The following CEP104 variants were observed in gnomAD, a reference collection of about 807,000 sequenced individuals.
CEP104 encodes the protein centrosomal protein of 104 kDa.
Under a neutral mutation model 113.3 loss-of-function variants are expected in CEP104, and 84 were observed. That is an observed-to-expected ratio of 0.74 (90% CI 0.62 to 0.89). The LOEUF is 0.89. Ranked by LOEUF, CEP104 falls within the 40% of genes least tolerant of loss-of-function variation. CEP104 has a pLI of 0.00. For missense variants in CEP104, 1,053 were observed against 1,156.6 expected (o/e 0.91, Z 1.30); for synonymous variants, 378 against 421.7 (o/e 0.90, Z 1.27).
At chr1:3,830,372 T>C (rs1644180170) in intron 13 of CEP104, among the ~76,000 whole-genome samples, 1 of 152,130 alleles carries the variant, frequency 6.6e-6, no homozygotes, top group Non-Finnish European at 1.5e-5. Flanking sequence ...ATGGAAGTAT[T>C]CCAGAATCCG....
At position 3,847,300 on chromosome 1, in the gene CEP104, G is replaced by A. The variant is rs12047360; in HGVS notation, c.426+175C>T. On this transcript the variant is annotated intron_variant, in intron 4 of 21. Coordinates refer to ENST00000378230, the MANE Select transcript of CEP104 (RefSeq NM_014704.4). ...CCAGTTCGTGGTGGGCACTGGCCACGTGTGCCCAGAGGCTGCTGGATCAGA... is the reference window on the plus strand; with the variant it reads ...CCAGTTCGTGGTGGGCACTGGCCACATGTGCCCAGAGGCTGCTGGATCAGA... 0.32 allele frequency among the ~76,000 whole-genome samples: 49,391 copies of A among 152,102 alleles called. 9,551 individuals are homozygous for A. Among genetic ancestry groups the A allele is most frequent in the Admixed American group, 0.44 (6,788 of 15,260 alleles).
At chr1:3,824,676 C>T (rs1644048822) in intron 18 of CEP104, among the ~76,000 whole-genome samples, 1 of 152,166 alleles carries the variant, frequency 6.6e-6, no homozygotes, top group African/African-American at 2.4e-5. Context: ...CGGTGAGAAA[C>T]CAGGTGCTTT....
chr1:3,843,631 C>T (rs938196714), intron 6 of CEP104, among the ~76,000 whole-genome samples: 5 of 151,936 alleles, frequency 3.3e-5, no homozygotes, highest in East Asian at 1.9e-4. Context: ...AGATTACAGG[C>T]GTTAGCCACC....
At chr1:3,818,336 C>T (rs550190592) in intron 20 of CEP104, among the ~76,000 whole-genome samples, 7 of 152,340 alleles carry the variant, frequency 4.6e-5, no homozygotes, top group South Asian at 2.1e-4. Flanking sequence ...ACCTGTCTAC[C>T]GGCCTGCGCG....
At chr1:3,816,708 T>C (rs1033989402) in intron 20 of CEP104, among the ~76,000 whole-genome samples, 1 of 152,206 alleles carries the variant, frequency 6.6e-6, no homozygotes, top group Non-Finnish European at 1.5e-5. Flanking sequence ...AGCGCCCGCG[T>C]GATTACGTTC....
At chr1:3,831,334 G>A (rs1003180486) in intron 12 of CEP104, 112 bp from the exon 13 acceptor site, 11 of 866,536 alleles carry the variant, frequency 1.3e-5, no homozygotes, top group Admixed American at 2.3e-5. Flanking sequence ...GGGAAATACA[G>A]ATTGATAGTG....
intron 1 of CEP104, 27 bp from the exon 2 acceptor site, chr1:3,852,448 T>G: frequency 1.3e-6 from 2 of 1,588,548 alleles, no homozygotes; most frequent in Non-Finnish European, 1.7e-6. Context: ...GAAAAACTTC[T>G]TTAAAACAAA....
chr1:3,829,297 G>A lies in CEP104; in HGVS notation c.2120C>T (p.Ala707Val). 6.3e-7 allele frequency: 1 copy of A among 1,592,496 alleles called. No homozygotes were observed. The highest frequency in any genetic ancestry group is 2.2e-5 in the East Asian group (1 of 44,450). Reference protein sequence around the residue: ...EEIKALQGQLAALKEIQAEVQ... With the variant: ...EEIKALQGQLVALKEIQAEVQ... ...TTCAGCCTGAATTTCTTTCAGTGCTGCCAGCTGCCCTTGTAAAGCTTTTAT... is the reference window on the plus strand; with the variant it reads ...TTCAGCCTGAATTTCTTTCAGTGCTACCAGCTGCCCTTGTAAAGCTTTTAT... Residue 707 changes from alanine (A) to valine (V), a missense_variant, in exon 15 of 22, where the codon GCA becomes GTA. Ala to Val is a moderately conservative substitution (Grantham distance 64, BLOSUM62 0). Coordinates refer to ENST00000378230, the MANE Select transcript of CEP104 (RefSeq NM_014704.4).
chr1:3,851,116 G>T (rs1289009681), intron 2 of CEP104, among the ~76,000 whole-genome samples: 4 of 152,094 alleles, frequency 2.6e-5, no homozygotes, highest in African/African-American at 9.7e-5. Flanking sequence ...TGCCTGCATG[G>T]GCAGTGCATC....
Position 3,825,852 on chromosome 1 carries a change from CA to C in CEP104, c.2269del (p.Cys757ValfsTer24). The C allele has an allele frequency of 6.2e-7, 1 of 1,611,730 alleles. No homozygotes were observed. The highest frequency in any genetic ancestry group is 8.5e-7 in the Non-Finnish European group (1 of 1,177,826). ...TGTGAAGGATTCACTCCTTTCCCCA[CA>C]AAAAATACACAAACTGAAAGCAAAG... ...EHYLDNLCIF[C>X]GERSESFTEE... On this transcript the variant is annotated frameshift_variant, in exon 18 of 22. Coordinates refer to ENST00000378230, the MANE Select transcript of CEP104 (RefSeq NM_014704.4). LOFTEE classifies it high-confidence loss of function.
chr1:3,853,898 C>T (rs1644662746), intron 1 of CEP104, among the ~76,000 whole-genome samples: 1 of 152,102 alleles, frequency 6.6e-6, no homozygotes, highest in Non-Finnish European at 1.5e-5. Context: ...AGTTCGAGAC[C>T]AGCCTGGGTA....
intron 6 of CEP104, chr1:3,843,065 G>A (rs1644440821): frequency 1.8e-6 from 1 of 548,798 alleles, no homozygotes; most frequent in Non-Finnish European, 3.4e-6. Flanking sequence ...TGGGATTACA[G>A]GCGTGCGACA....
rs1025062565 is a variant in CEP104 at position 3,819,811 on chromosome 1, T to C, written c.2571+3363A>G. ...ATTCACACGAAATTAGAAAGACGTG[T>C]CTCAGCAGGCTGGAGTGGCAGAGTC... is the stretch of plus-strand genomic sequence containing the variant. On this transcript the variant is annotated intron_variant, in intron 20 of 21. Transcript: ENST00000378230. The surrounding 1 kb of genome is among the most constrained non-coding windows in gnomAD (Gnocchi z 4.6). Among the ~76,000 whole-genome samples, 1 of 152,184 alleles carries C rather than the reference T, an allele frequency of 6.6e-6. No homozygotes were observed. The highest frequency in any genetic ancestry group is 1.5e-5 in the Non-Finnish European group (1 of 68,026).
chr1:3,832,123 T>C (rs1644219452), intron 12 of CEP104, among the ~76,000 whole-genome samples: 1 of 152,244 alleles, frequency 6.6e-6, no homozygotes, highest in Non-Finnish European at 1.5e-5. Flanking sequence ...GGCTTAAAAA[T>C]AATTAAATGA....
intron 1 of CEP104, among the ~76,000 whole-genome samples, chr1:3,854,499 C>T (rs1644673413): frequency 1.3e-5 from 2 of 152,134 alleles, no homozygotes; most frequent in African/African-American, 4.8e-5. Context: ...ACAAGAGTCT[C>T]AATCTATCAC....
chr1:3,854,507 C>G (rs1156632685), intron 1 of CEP104, among the ~76,000 whole-genome samples: 1 of 152,138 alleles, frequency 6.6e-6, no homozygotes, highest in Non-Finnish European at 1.5e-5. Context: ...CTCAATCTAT[C>G]ACCCAGGCTG....
In CEP104 at chr1:3,838,206, G is replaced by A. The variant is rs151065208; in HGVS notation, c.892-687C>T. On this transcript the variant is annotated intron_variant, in intron 8 of 21. Transcript: ENST00000378230. Reference sequence around the variant, plus strand: ...CTCGCTCCATCACCAAGGCTGGAGTGCAGTGGTGCGATCGTAGCTCACTGC... The same window carrying A: ...CTCGCTCCATCACCAAGGCTGGAGTACAGTGGTGCGATCGTAGCTCACTGC... 1.4e-3 allele frequency among the ~76,000 whole-genome samples: 220 copies of A among 152,302 alleles called. 1 individual carries two copies. The highest frequency in any genetic ancestry group is 5.1e-3 in the African/African-American group (213 of 41,562).
chr1:3,845,085 A>G (rs1644483787), intron 5 of CEP104, 102 bp from the exon 6 acceptor site: 1 of 1,098,036 alleles, frequency 9.1e-7, no homozygotes, highest in East Asian at 2.4e-5. Context: ...AGCAAGGTTC[A>G]ATGATCCTCA....
intron 8 of CEP104, 136 bp from the exon 9 acceptor site, chr1:3,837,655 C>G (rs781711393): frequency 1.5e-4 from 110 of 725,180 alleles, no homozygotes; most frequent in Non-Finnish European, 2.2e-4. Flanking sequence ...AATTTCAAAA[C>G]CAAAGAGAAA....
Sources: allele counts gnomAD v4.1 joint callset (sites outside exome capture counted in the v4.1 genomes callset), GRCh38; gene constraint gnomAD v4.1.1; non-coding constraint Gnocchi (gnomAD v3.1); transcripts MANE v1.5; gene names NCBI Gene and HGNC (gene_info 2026-07-23, HGNC 2026-07-21).